Variants in LRRC7 observed in about 807,000 individuals in gnomAD.
LRRC7 encodes the protein leucine-rich repeat-containing protein 7.
A neutral mutation model predicts 175.7 loss-of-function variants in LRRC7; 23 were observed. That is an observed-to-expected ratio of 0.13 (90% confidence interval 0.09 to 0.19). LRRC7 has a LOEUF of 0.19. Ranked by LOEUF, LRRC7 falls within the 10% of genes least tolerant of loss-of-function variation. LRRC7 has a pLI of 1.00. For synonymous variants in LRRC7, 685 were observed against 680.9 expected, an observed-to-expected ratio of 1.01 and a Z score of -0.09; for missense variants, 1,354 against 1,904.7, an observed-to-expected ratio of 0.71 and a Z score of 5.38.
At chr1:69,735,893 C>A (rs1457937645) in intron 2 of LRRC7, among the ~76,000 whole-genome samples, 1 of 151,886 alleles carries the variant, frequency 6.6e-6, no homozygotes, top group Non-Finnish European at 1.5e-5. Context: ...CTCTCTCCCC[C>A]TACCACCCCA....
At chr1:69,605,674 G>A (rs896019956) in intron 1 of LRRC7, among the ~76,000 whole-genome samples, 4 of 152,090 alleles carry the variant, frequency 2.6e-5, no homozygotes, top group Non-Finnish European at 5.9e-5. Context: ...TCAGGTACTG[G>A]AGCACAGTTC....
intron 8 of LRRC7, among the ~76,000 whole-genome samples, chr1:69,935,996 G>A (rs926716618): frequency 2.0e-4 from 31 of 152,102 alleles, no homozygotes; most frequent in Middle Eastern, 3.4e-3. Context: ...TTTATACTGT[G>A]TACTGTGTAT....
intron 2 of LRRC7, among the ~76,000 whole-genome samples, chr1:69,680,118 G>A (rs1195506512): frequency 6.6e-6 from 1 of 152,074 alleles, no homozygotes; most frequent in Non-Finnish European, 1.5e-5. Context: ...GCTAAGAGCA[G>A]CAGCAGCAGC....
intron 16 of LRRC7, among the ~76,000 whole-genome samples, chr1:70,022,807 A>T (rs1657651438): frequency 6.6e-6 from 1 of 152,148 alleles, no homozygotes; most frequent in African/African-American, 2.4e-5. Context: ...ATTCAGCACC[A>T]TTTTACCTTT....
At chr1:69,936,928 C>A (rs1283031311) in intron 8 of LRRC7, among the ~76,000 whole-genome samples, 1 of 152,050 alleles carries the variant, frequency 6.6e-6, no homozygotes, top group Non-Finnish European at 1.5e-5. Context: ...GCGTAGTATA[C>A]CATGGTGAAT....
chr1:69,675,252 T>A (rs1659609706), intron 1 of LRRC7, among the ~76,000 whole-genome samples: 1 of 152,296 alleles, frequency 6.6e-6, no homozygotes, highest in South Asian at 2.1e-4. Flanking sequence ...CCTGAGGGTC[T>A]TGGATACCAA....
At chr1:69,772,310 A>G (rs1672332292) in intron 3 of LRRC7, among the ~76,000 whole-genome samples, 1 of 152,088 alleles carries the variant, frequency 6.6e-6, no homozygotes, top group Admixed American at 6.5e-5. Context: ...TTCTAGGCAA[A>G]GGGGACACTC....
chr1:70,117,235 T>G (rs1397398446), intron 26 of LRRC7, among the ~76,000 whole-genome samples: 1 of 152,224 alleles, frequency 6.6e-6, no homozygotes, highest in Non-Finnish European at 1.5e-5. Flanking sequence ...AGGCCTTCTC[T>G]GAGCTATTTT....
chr1:69,745,480 A>G (rs1231800424), intron 2 of LRRC7, among the ~76,000 whole-genome samples: 1 of 151,980 alleles, frequency 6.6e-6, no homozygotes, highest in Non-Finnish European at 1.5e-5. Context: ...ACACAAGTTT[A>G]TATTTTAGGT....
At chr1:69,985,114 C>T (rs1193360585) in intron 9 of LRRC7, among the ~76,000 whole-genome samples, 1 of 152,170 alleles carries the variant, frequency 6.6e-6, no homozygotes, top group Non-Finnish European at 1.5e-5. Flanking sequence ...TTTTTTATTG[C>T]ACTTGTCACA....
Position 70,038,627 on chromosome 1 carries a change from C to A in LRRC7, c.2803C>A (p.His935Asn). The change falls in exon 21 of 27, where the codon CAT becomes AAT. Residue 935 changes from histidine (H) to asparagine (N), a missense_variant. By Grantham distance (68) the His-to-Asn change is moderately conservative. This residue lies in a region of LRRC7 where 1,032 missense variants were observed against 1,227.2 expected (regional missense o/e 0.84). Coordinates refer to ENST00000651989, the MANE Select transcript of LRRC7 (RefSeq NM_001370785.2). ...TTCTCCAGGCGTACCATGGGAGTAT[C>A]ATGATTCCAATCCCAACAGGAGTCT... ...PFSPGVPWEY[H>N]DSNPNRSLSN... 1.2e-6 allele frequency: 2 copies of A among 1,614,100 alleles called. No homozygotes were observed. Among genetic ancestry groups the A allele is most frequent in the Non-Finnish European group, 8.5e-7 (1 of 1,179,988 alleles).
In LRRC7 at chr1:70,137,924, T is replaced by G. The variant is rs1666932248; in HGVS notation, c.*16037T>G. Among the ~76,000 whole-genome samples, 1 of 152,228 alleles carries G rather than the reference T, an allele frequency of 6.6e-6. No individual in the cohort carries two copies. Among genetic ancestry groups the G allele is most frequent in the Admixed American group, 6.5e-5 (1 of 15,274 alleles). Reference sequence around the variant, plus strand: ...TATTAATAGTCCATATGGCTTTATTTCCAACAAAATCCCAGAGTTTTTGCT... The same window carrying G: ...TATTAATAGTCCATATGGCTTTATTGCCAACAAAATCCCAGAGTTTTTGCT... On this transcript the variant is annotated 3_prime_UTR_variant, in exon 27 of 27. Transcript: ENST00000651989.
rs898533443 is a variant in LRRC7, at chr1:69,652,698, CA to C, written c.3-25673del. Among the ~76,000 whole-genome samples, 107 of 147,200 alleles carry C rather than the reference CA, an allele frequency of 7.3e-4. 1 individual carries two copies. Among genetic ancestry groups the C allele is most frequent in the Middle Eastern group, 3.4e-3 (1 of 290 alleles). On this transcript the variant is annotated intron_variant, in intron 1 of 26. Coordinates refer to ENST00000651989, the MANE Select transcript of LRRC7 (RefSeq NM_001370785.2). ...GACTCTGAATAGCCATAACAGTCTT[CA>C]AAAAAAAAATAATAATAACCAAAAT...
In LRRC7 at chr1:70,023,270, C is replaced by G. The variant is rs1482755622; in HGVS notation, c.1690C>G (p.Leu564Val). 1 of 1,613,554 alleles carries G rather than the reference C, an allele frequency of 6.2e-7. No individual in the cohort carries two copies. Among genetic ancestry groups the G allele is most frequent in the African/African-American group, 1.3e-5 (1 of 75,024 alleles). ...GCCCGTCCCCCAGAATGACCCACAG[C>G]TGGCATGGGGTTGTATAAGTGGCCT... ...DMPVPQNDPQ[L>V]AWGCISGLQQ... Residue 564 changes from leucine to valine, a missense_variant, in exon 17 of 27, where the codon CTG becomes GTG. Leu to Val is a conservative substitution (Grantham distance 32). This residue lies in a region of LRRC7 where 1,032 missense variants were observed against 1,227.2 expected (regional missense o/e 0.84). Transcript: ENST00000651989.
At chr1:69,961,032 A>G (rs1651022973) in intron 8 of LRRC7, among the ~76,000 whole-genome samples, 1 of 152,168 alleles carries the variant, frequency 6.6e-6, no homozygotes. Context: ...GGAGGGGAGG[A>G]AGTCAAACTA....
At chr1:69,724,642 T>C (rs1666742281) in intron 2 of LRRC7, among the ~76,000 whole-genome samples, 1 of 152,212 alleles carries the variant, frequency 6.6e-6, no homozygotes, top group African/African-American at 2.4e-5. Context: ...GATTTATTTA[T>C]GCAACTAATG....
At chr1:69,856,575 T>A (rs534858814) in intron 7 of LRRC7, among the ~76,000 whole-genome samples, 1 of 152,148 alleles carries the variant, frequency 6.6e-6, no homozygotes, top group South Asian at 2.1e-4. Flanking sequence ...AGAAATTGAA[T>A]CCCTGAATAG....
intron 25 of LRRC7, among the ~76,000 whole-genome samples, 183 bp from the exon 26 acceptor site, chr1:70,107,564 ATGTTG>A (rs1665230626): frequency 6.6e-6 from 1 of 152,206 alleles, no homozygotes; most frequent in Admixed American, 6.5e-5. Context: ...GCAAGCAAAA[ATGTTG>A]CTTCTCTTAA....
chr1:69,859,224 A>G (rs1156500512), intron 7 of LRRC7, among the ~76,000 whole-genome samples: 1 of 152,150 alleles, frequency 6.6e-6, no homozygotes. Context: ...TCATCTGTGT[A>G]TATGAGAATC....
Sources: gnomAD v4.1 joint callset for allele counts (sites outside exome capture counted in the v4.1 genomes callset) on GRCh38, gnomAD v4.1.1 for gene constraint, gnomAD v4.1.1 regional missense constraint, MANE v1.5 for transcripts, NCBI Gene and HGNC (gene_info 2026-07-23, HGNC 2026-07-21) for gene names.